Variants in DIP2C observed in about 807,000 individuals in gnomAD.
The protein encoded by DIP2C is disco-interacting protein 2 homolog C.
A neutral mutation model predicts 192.4 loss-of-function variants in DIP2C; 33 were observed. The ratio of observed to expected loss-of-function variants is 0.17; its 90% confidence interval spans 0.13 to 0.23. The LOEUF (loss-of-function observed/expected upper bound fraction) is 0.23. DIP2C is among the 10% of genes least tolerant of loss of function. The probability of loss-of-function intolerance (pLI) is 1.00; values close to 1 mark genes in which losing one functional copy is unlikely to be tolerated. For synonymous variants in DIP2C, 979 were observed against 864.1 expected (o/e 1.13, Z -2.33); for missense variants, 1,537 against 2,110.1 (o/e 0.73, Z 5.32).
At chr10:573,389 G>A (rs79954097) in intron 1 of DIP2C, among the ~76,000 whole-genome samples, 4,615 of 152,252 alleles carry the variant, frequency 0.03, 230 homozygotes, top group African/African-American at 0.1. Context: ...GAGCGCAGCC[G>A]GGCAGTTCAC....
chr10:488,397 A>G (rs1157846723), intron 1 of DIP2C, among the ~76,000 whole-genome samples: 1 of 152,216 alleles, frequency 6.6e-6, no homozygotes, highest in African/African-American at 2.4e-5. Flanking sequence ...TTTAATCCTT[A>G]TAAGAACTTA....
chr10:448,227 A>G (rs1316959956), intron 3 of DIP2C, among the ~76,000 whole-genome samples: 1 of 118,266 alleles, frequency 8.5e-6, no homozygotes, highest in Non-Finnish European at 1.6e-5. Flanking sequence ...TCCCGTCAAT[A>G]ATCAGGATCA....
At chr10:440,772 T>C in intron 4 of DIP2C, 99 bp downstream of exon 4, 1 of 1,487,190 alleles carries the variant, frequency 6.7e-7, no homozygotes, top group Non-Finnish European at 8.9e-7. Flanking sequence ...GCATTACTGC[T>C]TCATTATTTT....
intron 1 of DIP2C, among the ~76,000 whole-genome samples, chr10:577,366 T>A (rs754917781): frequency 6.6e-6 from 1 of 152,252 alleles, no homozygotes; most frequent in African/African-American, 2.4e-5. Flanking sequence ...AAAATAAGCA[T>A]GAGAAATTAG....
chr10:553,090 T>C (rs562440350), intron 1 of DIP2C, among the ~76,000 whole-genome samples: 3 of 152,356 alleles, frequency 2.0e-5, no homozygotes, highest in Admixed American at 6.5e-5. Flanking sequence ...AAGAGGCTCG[T>C]GCCAACAGAC....
rs754020539 is a variant in DIP2C at position 349,327 on chromosome 10, G to A, written c.3109+4C>T. 1.4e-5 allele frequency: 22 copies of A among 1,603,660 alleles called. No homozygotes were observed. The highest frequency in any genetic ancestry group is 1.7e-5 in the Non-Finnish European group (20 of 1,176,766). ...CTCAGGGGAAGCCCACCCTGCGCCT[G>A]TACCTGGGGGGTAGACCAAGGCCAC... is the stretch of plus-strand genomic sequence containing the variant. On this transcript the variant is annotated splice_donor_region_variant and intron_variant, in intron 25 of 36. Coordinates refer to ENST00000280886, the MANE Select transcript of DIP2C (RefSeq NM_014974.3).
At chr10:336,570 C>T (rs1041961574) in intron 29 of DIP2C, among the ~76,000 whole-genome samples, 1 of 152,170 alleles carries the variant, frequency 6.6e-6, no homozygotes, top group Non-Finnish European at 1.5e-5. Flanking sequence ...ATACTTTAAC[C>T]ATGATGACAA....
chr10:398,663 G>A (rs1964179019), intron 10 of DIP2C, among the ~76,000 whole-genome samples: 1 of 152,070 alleles, frequency 6.6e-6, no homozygotes, highest in African/African-American at 2.4e-5. Context: ...CTTTACATTG[G>A]ATTAAACAAT....
intron 1 of DIP2C, among the ~76,000 whole-genome samples, chr10:554,652 G>A (rs957042912): frequency 2.0e-5 from 3 of 152,230 alleles, no homozygotes; most frequent in African/African-American, 7.2e-5. Flanking sequence ...GAGGGGCAGA[G>A]GCAAGGCTGC....
At chr10:571,767 C>T (rs907541440) in intron 1 of DIP2C, among the ~76,000 whole-genome samples, 1 of 152,224 alleles carries the variant, frequency 6.6e-6, no homozygotes, top group Admixed American at 6.5e-5. Context: ...AGCAGTATGG[C>T]TGTGACCAGG....
chr10:286,794 C>CAT (rs752487669), intron 33 of DIP2C, among the ~76,000 whole-genome samples: 55 of 152,294 alleles, frequency 3.6e-4, no homozygotes, highest in Non-Finnish European at 7.1e-4. Context: ...TCATGGCACA[C>CAT]ACATGGATGG....
In DIP2C at chr10:498,208, C is replaced by T. The variant is rs1049748791; in HGVS notation, c.86-11678G>A. ...AAACACAGTACTTGAGTTTTCCCAACCTCTTGCTATCCAGCTGGCTTCCCC... is the reference window on the plus strand; with the variant it reads ...AAACACAGTACTTGAGTTTTCCCAATCTCTTGCTATCCAGCTGGCTTCCCC... On this transcript the variant is annotated intron_variant, in intron 1 of 36. Coordinates refer to ENST00000280886, the MANE Select transcript of DIP2C (RefSeq NM_014974.3). 1.2e-4 allele frequency among the ~76,000 whole-genome samples: 18 copies of T among 152,306 alleles called. No homozygotes were observed. The East Asian group carries it at 3.5e-3, about 29-fold the overall frequency.
At chr10:657,874 T>TCCCTGGACCTGCCCCTGGACCTGC (rs1856480740) in intron 1 of DIP2C, among the ~76,000 whole-genome samples, 1 of 89,052 alleles carries the variant, frequency 1.1e-5, no homozygotes, top group Admixed American at 1.1e-4. Context: ...GCTGGACCTG[T>TCCCTGGACCTGCCCCTGGACCTGC]CCCTGGACCT....
At chr10:301,271 T>C (rs1264695667) in intron 32 of DIP2C, among the ~76,000 whole-genome samples, 2 of 152,210 alleles carry the variant, frequency 1.3e-5, no homozygotes, top group Non-Finnish European at 2.9e-5. Flanking sequence ...TTTTTGTTTT[T>C]AGACAGCATT....
At chr10:672,531 C>T (rs1166875679) in intron 1 of DIP2C, among the ~76,000 whole-genome samples, 3 of 152,224 alleles carry the variant, frequency 2.0e-5, no homozygotes, top group African/African-American at 7.2e-5. Flanking sequence ...CGGCTGCAAT[C>T]CCTGTAATAA....
intron 1 of DIP2C, among the ~76,000 whole-genome samples, chr10:519,253 G>A (rs1173755421): frequency 5.9e-5 from 9 of 152,198 alleles, no homozygotes; most frequent in Admixed American, 5.9e-4. Flanking sequence ...GGAAGGCAGA[G>A]GAAGCTGTGA....
chr10:604,345 T>C (rs1047721462), intron 1 of DIP2C, among the ~76,000 whole-genome samples: 3 of 152,136 alleles, frequency 2.0e-5, no homozygotes, highest in Non-Finnish European at 4.4e-5. Context: ...AAATATACAA[T>C]ACCATAGGAG....
intron 3 of DIP2C, among the ~76,000 whole-genome samples, chr10:447,770 C>T (rs58323574): frequency 6.3e-5 from 7 of 110,298 alleles, no homozygotes; most frequent in South Asian, 5.9e-4. Flanking sequence ...CACTCATCCC[C>T]GTCTATACTC....
chr10:620,159 C>A (rs977040075), intron 1 of DIP2C, among the ~76,000 whole-genome samples: 123 of 152,292 alleles, frequency 8.1e-4, no homozygotes, highest in African/African-American at 2.9e-3. Context: ...GAGCATTTCC[C>A]CTTGTATAGT....
Sources: allele counts gnomAD v4.1 joint callset (sites outside exome capture counted in the v4.1 genomes callset), GRCh38; gene constraint gnomAD v4.1.1; transcripts MANE v1.5; gene names NCBI Gene and HGNC (gene_info 2026-07-23, HGNC 2026-07-21).